Variants in ASPM observed in about 807,000 individuals in gnomAD.
The protein encoded by ASPM is assembly factor for spindle microtubules, also known as abnormal spindle-like microcephaly-associated protein.
In ASPM, 256 loss-of-function variants were observed where a neutral mutation model predicts 366.4. That is an observed-to-expected ratio of 0.70 (90% confidence interval 0.63 to 0.77). ASPM has a LOEUF of 0.77. Among genes scored for constraint, ASPM ranks in the 30% least tolerant of loss-of-function variants. The pLI, the probability that ASPM is intolerant of heterozygous loss-of-function variation, is 0.00. For synonymous variants in ASPM, 1,414 were observed against 1,342.9 expected (o/e 1.05, Z -1.16); for missense variants, 4,146 against 4,090.4 (o/e 1.01, Z -0.37).
At position 197,128,078 on chromosome 1, in the gene ASPM, T is replaced by C. The variant is rs548493893; in HGVS notation, c.2936+412A>G. Among the ~76,000 whole-genome samples the C allele has an allele frequency of 2.6e-4, 39 of 151,738 alleles. No homozygotes were observed. The South Asian group carries it at 7.9e-3, about 31-fold the overall frequency. On this transcript the variant is annotated intron_variant, in intron 10 of 27. Transcript: ENST00000367409. ...TACTCCGGAGGCTGAGGCAGGAGAATGGCGTGAACCCAGGAGGTAGGCTTG... is the reference window on the plus strand; with the variant it reads ...TACTCCGGAGGCTGAGGCAGGAGAACGGCGTGAACCCAGGAGGTAGGCTTG...
Position 197,100,948 on chromosome 1 carries a change from G to A in ASPM, c.8303C>T (p.Ala2768Val), listed in dbSNP as rs555851120. 6 of 1,612,598 alleles carry A rather than the reference G, an allele frequency of 3.7e-6. No homozygotes were observed. The African/African-American group carries it at 6.7e-5, about 18-fold the overall frequency. ...GCAGAGTGCAGATTGGTTAACAATG[G>A]CTGCCATCTTTTCCTCTGATACATT... ...LKNVSEEKMAAIVNQSALCCY... is the reference protein window; with the variant it reads ...LKNVSEEKMAVIVNQSALCCY... Residue 2768 changes from alanine (A) to valine (V), a missense_variant, in exon 18 of 28, where the codon GCC (alanine) becomes GTC (valine). Physicochemically the swap from Ala to Val is moderately conservative, Grantham distance 64. Transcript: ENST00000367409.
chr1:197,088,171 T>C, intron 26 of ASPM, 85 bp downstream of exon 26: 2 of 1,445,270 alleles, frequency 1.4e-6, no homozygotes, highest in East Asian at 2.3e-5. Flanking sequence ...TTTAGAGTGA[T>C]AATTACTAAA....
chr1:197,089,395 A>G (rs941491255), intron 25 of ASPM, among the ~76,000 whole-genome samples: 1 of 152,044 alleles, frequency 6.6e-6, no homozygotes, highest in Non-Finnish European at 1.5e-5. Flanking sequence ...AGTTATAGCA[A>G]TATTTTTCTT....
rs1402289040 is a variant in ASPM, at chr1:197,100,623, T to C, written c.8628A>G (p.Arg2876=). Residue 2876 remains arginine (R), a synonymous_variant, in exon 18 of 28, where the codon AGA becomes AGG. Coordinates refer to ENST00000367409, the MANE Select transcript of ASPM (RefSeq NM_018136.5). The part of the protein sequence containing the change: ...LQHYFRTWQT[R]KQFLLYRKAA... ...CTTTTCTATATAGTAAAAACTGTTTTCTGGTTTGCCACGTCCTAAAATAAT... is the reference window on the plus strand; with the variant it reads ...CTTTTCTATATAGTAAAAACTGTTTCCTGGTTTGCCACGTCCTAAAATAAT... 4 of 1,612,004 alleles carry C rather than the reference T, an allele frequency of 2.5e-6. No homozygotes were observed. In the African/African-American group the frequency reaches 4.0e-5, roughly 16 times the overall value.
Position 197,093,662 on chromosome 1 carries a change from A to G in ASPM, c.9085-401T>C, listed in dbSNP as rs1171126625. ...TGAAAAAACATAGCATACCACTAGC[A>G]CACCTTAGATTCCTCAATTACGTAA... is the stretch of plus-strand genomic sequence containing the variant. On this transcript the variant is annotated intron_variant, in intron 20 of 27. Coordinates refer to ENST00000367409, the MANE Select transcript of ASPM (RefSeq NM_018136.5). 2.6e-5 allele frequency among the ~76,000 whole-genome samples: 4 copies of G among 151,970 alleles called. No individual in the cohort carries two copies. The East Asian group carries it at 7.8e-4, about 29-fold the overall frequency.
At position 197,090,024 on chromosome 1, in the gene ASPM, G is replaced by T. The variant is rs201033114; in HGVS notation, c.9890C>A (p.Ser3297Tyr). The T allele has an allele frequency of 2.4e-4, 380 of 1,613,054 alleles. 1 individual carries two copies. The highest frequency in any genetic ancestry group is 3.3e-4 in the Middle Eastern group (2 of 6,054). ...ACTTCGGATCAAAACAAATATTTTA[G>T]AAATTGCTCCACTCTGGGCCATGTT... ...CENMAQSGAI[S>Y]KIFVLIRSCN... The change falls in exon 25 of 28, where the codon TCT becomes TAT. Residue 3297 changes from serine to tyrosine, a missense_variant. Transcript: ENST00000367409.
chr1:197,132,411 T>G (rs1413847757), intron 6 of ASPM, 59 bp from the exon 7 acceptor site: 1 of 1,464,848 alleles, frequency 6.8e-7, no homozygotes, highest in Non-Finnish European at 9.6e-7. Flanking sequence ...AGACAAGAAA[T>G]AAAACTTCAA....
At chr1:197,089,654 C>T (rs1018069852) in intron 25 of ASPM, among the ~76,000 whole-genome samples, 3 of 151,900 alleles carry the variant, frequency 2.0e-5, no homozygotes, top group Non-Finnish European at 2.9e-5. Flanking sequence ...ATGAAAAATA[C>T]TAGCATGTAG....
At chr1:197,146,071 G>A (rs1025488417) in intron 1 of ASPM, 70 bp downstream of exon 1, 6 of 1,587,308 alleles carry the variant, frequency 3.8e-6, no homozygotes, top group Non-Finnish European at 5.2e-6. Flanking sequence ...CAACCTTCCT[G>A]AGGAGGGTGG....
chr1:197,127,402 C>T lies in ASPM; in HGVS notation c.2936+1088G>A, dbSNP rs148224192. 2.8e-3 allele frequency among the ~76,000 whole-genome samples: 420 copies of T among 152,208 alleles called. 3 individuals carry two copies. Among genetic ancestry groups the T allele is most frequent in the Middle Eastern group, 0.01 (3 of 294 alleles). On this transcript the variant is annotated intron_variant, in intron 10 of 27. Transcript: ENST00000367409. ...TATAAAGACCATTAAATCTGTGCTC[C>T]CCATACGTCAACATTTAACTAGCTG...
rs140776310 is a variant in ASPM, at chr1:197,121,890, T to C, written c.3870+25A>G. ...ACCTTCTAAAGTATAATTCACACTA[T>C]AGTAGTTTCATATTCTAGGAGTACC... On this transcript the variant is annotated intron_variant, in intron 16 of 27. Coordinates refer to ENST00000367409, the MANE Select transcript of ASPM (RefSeq NM_018136.5). 1.1e-3 allele frequency: 1,723 copies of C among 1,582,788 alleles called. 8 individuals are homozygous for C. The highest frequency in any genetic ancestry group is 7.5e-3 in the African/African-American group (556 of 74,254).
Position 197,100,744 on chromosome 1 carries a change from T to G in ASPM, c.8507A>C (p.Gln2836Pro). Residue 2836 changes from glutamine (Q) to proline (P), a missense_variant, in exon 18 of 28, where the codon CAG (glutamine) becomes CCG (proline). By Grantham distance (76) the Gln-to-Pro change is moderately conservative. Around this residue, in one of 3 missense-constraint regions of ASPM, gnomAD observed 3,624 missense variants for 3,591.7 expected, o/e 1.01. Transcript: ENST00000367409. ...CTGAATCCGTAGGGCAGCACATTTC[T>G]GTGTTTCCAGTTTTCTTGTGACCAT... ...CRMVTRKLET[Q>P]KCAALRIQFF... The G allele has an allele frequency of 1.9e-6, 3 of 1,612,136 alleles. No homozygotes were observed. Among genetic ancestry groups the G allele is most frequent in the Non-Finnish European group, 2.5e-6 (3 of 1,178,742 alleles).
At chr1:197,097,962 A>G (rs761754270) in intron 18 of ASPM, among the ~76,000 whole-genome samples, 10 of 150,112 alleles carry the variant, frequency 6.7e-5, no homozygotes, top group Non-Finnish European at 1.5e-4. Context: ...AAAATTATAT[A>G]TATGTATAGA....
intron 21 of ASPM, 110 bp downstream of exon 21, chr1:197,092,942 G>A (rs1369892333): frequency 2.1e-6 from 2 of 931,992 alleles, no homozygotes; most frequent in African/African-American, 1.7e-5. Context: ...TCAAGTTAAT[G>A]GTCATATTAG....
chr1:197,133,587 C>T lies in ASPM; in HGVS notation c.2182G>A (p.Ala728Thr). The change falls in exon 6 of 28, where the codon GCT (alanine) becomes ACT (threonine). Residue 728 changes from alanine to threonine, a missense_variant. Ala to Thr is a moderately conservative substitution (Grantham distance 58). Transcript: ENST00000367409. ...VKTNISEVNAATLLLGIENQH... is the reference protein window; with the variant it reads ...VKTNISEVNATTLLLGIENQH... Reference sequence around the variant, plus strand: ...TTCTCTATTCCCAAAAGAAGAGTAGCAGCATTTACTGGGTAAAAACAAAAG... The same window carrying T: ...TTCTCTATTCCCAAAAGAAGAGTAGTAGCATTTACTGGGTAAAAACAAAAG... 1 of 1,612,916 alleles carries T rather than the reference C, an allele frequency of 6.2e-7. No individual in the cohort carries two copies. The highest frequency in any genetic ancestry group is 8.5e-7 in the Non-Finnish European group (1 of 1,179,060).
In ASPM at chr1:197,086,668, A is replaced by G. The variant is rs535065155; in HGVS notation, c.10331+135T>C. On this transcript the variant is annotated intron_variant, in intron 27 of 27. Transcript: ENST00000367409. The stretch of plus-strand genomic sequence containing the variant: ...CAAGACTGCTTCTTTTAAATTTACC[A>G]AACATTCCATTCTTATTCATATGTT... 3.3e-5 allele frequency: 26 copies of G among 795,374 alleles called. No homozygotes were observed. The Admixed American group carries it at 4.4e-4, about 14-fold the overall frequency. The allele number at this position is 795,374 out of a possible 1,614,324, so 49.3% of individuals were successfully genotyped here. A position where few individuals can be genotyped will look rare whatever the true frequency, so the allele number is the denominator to read the frequency against.
rs118010078 is a variant in ASPM at position 197,101,776 on chromosome 1, C to T, written c.7475G>A (p.Arg2492Lys). ...AAATGTAATATATGTTCTGTACATC[C>T]TGAAAGTAGCCTGAATGAGAACTGC... ...RAAVLIQATFRMYRTYITFQT... is the reference protein window; with the variant it reads ...RAAVLIQATFKMYRTYITFQT... The change falls in exon 18 of 28, where the codon AGG becomes AAG. Residue 2492 changes from arginine to lysine, a missense_variant. Arg to Lys is a conservative substitution (Grantham distance 26, BLOSUM62 2). Transcript: ENST00000367409. The T allele has an allele frequency of 3.2e-4, 519 of 1,612,624 alleles. 5 individuals carry two copies. In the East Asian group the frequency reaches 0.011, roughly 34 times the overall value.
Position 197,102,727 on chromosome 1 carries a change from G to T in ASPM, c.6524C>A (p.Ala2175Glu). The change falls in exon 18 of 28, where the codon GCA becomes GAA. Residue 2175 changes from alanine (A) to glutamate (E), a missense_variant. Ala to Glu is a moderately radical substitution (Grantham distance 107). This residue lies in a region of ASPM where 3,624 missense variants were observed against 3,591.7 expected (regional missense o/e 1.01). Transcript: ENST00000367409. ...TCTAACTCTTACTCCTCTAAAACTT[G>T]CCTGAAGGACTTTAACAGCTTTCAA... ...TILKAVKVLQASFRGVRVRRT... is the reference protein window; with the variant it reads ...TILKAVKVLQESFRGVRVRRT... The T allele has an allele frequency of 6.2e-7, 1 of 1,612,602 alleles. No individual in the cohort carries two copies. The highest frequency in any genetic ancestry group is 1.7e-4 in the Middle Eastern group (1 of 6,058).
At chr1:197,085,995 C>T (rs981631660) in intron 27 of ASPM, among the ~76,000 whole-genome samples, 1 of 152,088 alleles carries the variant, frequency 6.6e-6, no homozygotes, top group Middle Eastern at 3.4e-3. Context: ...TTAAATTCTA[C>T]CAAGTCCTTA....
Sources: allele counts gnomAD v4.1 joint callset (sites outside exome capture counted in the v4.1 genomes callset), GRCh38; gene constraint gnomAD v4.1.1; regional missense constraint gnomAD v4.1.1; transcripts MANE v1.5; gene names NCBI Gene and HGNC (gene_info 2026-07-23, HGNC 2026-07-21).